The following SERAC1 variants were observed in gnomAD, a reference collection of about 807,000 sequenced individuals.
SERAC1 encodes the protein protein SERAC1.
Under a neutral mutation model 85.7 loss-of-function variants are expected in SERAC1, and 36 were observed. The ratio of observed to expected loss-of-function variants is 0.42; its 90% confidence interval spans 0.32 to 0.55. The LOEUF is 0.55. Ranked by LOEUF, SERAC1 falls within the 20% of genes least tolerant of loss-of-function variation. SERAC1 has a pLI of 0.11. For synonymous variants in SERAC1, 242 were observed against 265.3 expected (o/e 0.91, Z 0.85); for missense variants, 629 against 796.2 (o/e 0.79, Z 2.53).
In SERAC1 at chr6:158,111,475, A is replaced by C. The variant is rs756734323; in HGVS notation, c.1856T>G (p.Val619Gly). 3.7e-6 allele frequency: 6 copies of C among 1,606,728 alleles called. No homozygotes were observed. The highest frequency in any genetic ancestry group is 5.1e-6 in the Non-Finnish European group (6 of 1,177,520). Residue 619 changes from valine to glycine, a missense_variant, in exon 17 of 17, where the codon GTG becomes GGG. Val to Gly is a moderately radical substitution (Grantham distance 109). Transcript: ENST00000647468. The stretch of plus-strand genomic sequence containing the variant: ...ACAAATGTTCAAATGGTTAACATCC[A>C]CAGGAATTAGATCTCCAATGCCTAA... Reference protein sequence around the residue: ...ADLGIGDLIPVDVNHLNICKP... With the variant: ...ADLGIGDLIPGDVNHLNICKP...
chr6:158,143,671 CTAATAAT>C (rs1221742870), intron 7 of SERAC1, among the ~76,000 whole-genome samples: 1 of 151,792 alleles, frequency 6.6e-6, no homozygotes, highest in Non-Finnish European at 1.5e-5. Flanking sequence ...CTCATTTTCT[CTAATAAT>C]TAATATCTAG....
chr6:158,121,567 C>A (rs1252413780), intron 10 of SERAC1, among the ~76,000 whole-genome samples: 1 of 152,018 alleles, frequency 6.6e-6, no homozygotes, highest in East Asian at 1.9e-4. Context: ...GCCCTTCTCC[C>A]ACTCTTTACG....
chr6:158,166,569 C>A (rs1255206882), intron 1 of SERAC1, among the ~76,000 whole-genome samples: 1 of 152,136 alleles, frequency 6.6e-6, no homozygotes, highest in Non-Finnish European at 1.5e-5. Context: ...ACACTGAATT[C>A]GTAGAACTGA....
At chr6:158,161,140 C>T (rs1056947113) in intron 1 of SERAC1, 2 of 152,140 alleles carry the variant, frequency 1.3e-5, no homozygotes, top group Non-Finnish European at 2.9e-5. Context: ...CACTTGGAGG[C>T]CAAGGTGGGC....
chr6:158,138,256 A>C (rs1175066181), intron 8 of SERAC1, among the ~76,000 whole-genome samples: 1 of 152,002 alleles, frequency 6.6e-6, no homozygotes, highest in Admixed American at 6.6e-5. Flanking sequence ...AACATGGTGA[A>C]ACCCCATCTC....
Position 158,120,490 on chromosome 6 carries a change from G to T in SERAC1, c.1101C>A (p.Asp367Glu). Residue 367 changes from aspartate to glutamate, a missense_variant, in exon 11 of 17, where the codon GAC (aspartate) becomes GAA (glutamate). Asp to Glu is a conservative substitution (Grantham distance 45). Transcript: ENST00000647468. The surrounding 1 kb of genome is among the most constrained non-coding windows in gnomAD (Gnocchi z 4.4). ...SHAARILANL[D>E]RETVQEKYQD... ...GATATTTTTCTTGCACAGTTTCTCG[G>T]TCTAGATTTGCCAGGATTCTGGCAG... 1 of 1,614,006 alleles carries T rather than the reference G, an allele frequency of 6.2e-7. No individual in the cohort carries two copies. Among genetic ancestry groups the T allele is most frequent in the Non-Finnish European group, 8.5e-7 (1 of 1,179,986 alleles).
intron 5 of SERAC1, among the ~76,000 whole-genome samples, chr6:158,148,465 CAG>C (rs1785123413): frequency 6.6e-6 from 1 of 151,806 alleles, no homozygotes; most frequent in Non-Finnish European, 1.5e-5. Flanking sequence ...TTTTTTGAGA[CAG>C]AGTCTCACTC....
chr6:158,148,140 T>C (rs528767071), intron 5 of SERAC1, among the ~76,000 whole-genome samples: 4 of 152,336 alleles, frequency 2.6e-5, no homozygotes, highest in South Asian at 2.1e-4. Context: ...CTTTCAATTA[T>C]AGAAAGTCTT....
Position 158,119,487 on chromosome 6 carries a change from G to T in SERAC1, c.1167-317C>A, listed in dbSNP as rs749910901. On this transcript the variant is annotated intron_variant, in intron 11 of 16. Coordinates refer to ENST00000647468, the MANE Select transcript of SERAC1 (RefSeq NM_032861.4). This position sits in a 1 kb window ranked among gnomAD's most constrained non-coding sequence, Gnocchi z 4.5. ...GATTACCCTCTAAAGACTTCCATTT[G>T]AGAATATTCTACAAATCAATAAAAG... Among the ~76,000 whole-genome samples the T allele has an allele frequency of 6.6e-6, 1 of 152,196 alleles. No homozygotes were observed.
In SERAC1 at chr6:158,120,310, T is replaced by G; in HGVS notation, c.1166+115A>C. ...ACAAATTATTTTAGTAAATAAGATA[T>G]TTGACTTATAAGTTATTTAACTTAT... On this transcript the variant is annotated intron_variant, in intron 11 of 16. Transcript: ENST00000647468. The surrounding 1 kb of genome is among the most constrained non-coding windows in gnomAD (Gnocchi z 4.4). 1 of 1,076,140 alleles carries G rather than the reference T, an allele frequency of 9.3e-7. No individual in the cohort carries two copies. Among genetic ancestry groups the G allele is most frequent in the Non-Finnish European group, 1.3e-6 (1 of 774,442 alleles). 66.7% of individuals were successfully genotyped at this position (1,076,140 alleles called of 1,614,324 possible).
chr6:158,116,474 G>A, intron 13 of SERAC1, 192 bp from the exon 14 acceptor site: 1 of 537,852 alleles, frequency 1.9e-6, no homozygotes, highest in East Asian at 3.2e-5. Context: ...CTGGCCCCAA[G>A]GAATCCTCCC....
rs111893815 is a variant in SERAC1, at chr6:158,163,064, C to A, written c.-1-4700G>T. Among the ~76,000 whole-genome samples, 205 of 152,260 alleles carry A rather than the reference C, an allele frequency of 1.3e-3. 1 individual carries two copies. Among genetic ancestry groups the A allele is most frequent in the African/African-American group, 4.7e-3 (194 of 41,540 alleles). On this transcript the variant is annotated intron_variant, in intron 1 of 16. Transcript: ENST00000647468. ...AGATGCCTAGGTTAGTCTGCTGGATCACAAGAGAAATGTCCAATATCCCCA... is the reference window on the plus strand; with the variant it reads ...AGATGCCTAGGTTAGTCTGCTGGATAACAAGAGAAATGTCCAATATCCCCA...
intron 16 of SERAC1, chr6:158,113,103 A>G (rs927027107): frequency 9.4e-6 from 3 of 320,082 alleles, no homozygotes; most frequent in Non-Finnish European, 1.7e-5. Flanking sequence ...AGGGTTCTGC[A>G]TGTAAATATA....
At chr6:158,112,824 G>A (rs1214061183) in intron 16 of SERAC1, 1 of 143,844 alleles carries the variant, frequency 7.0e-6, no homozygotes, top group Non-Finnish European at 1.5e-5. Flanking sequence ...AGCAGTTCAG[G>A]TGGTGAAATG....
In SERAC1 at chr6:158,110,517, C is replaced by T. The variant is rs1784120072; in HGVS notation, c.*849G>A. ...CATCGACATGATTATCTACTACTCA[C>T]ATGCTATAGAGGTCAATTAATACCA... is the stretch of plus-strand genomic sequence containing the variant. On this transcript the variant is annotated 3_prime_UTR_variant, in exon 17 of 17. Transcript: ENST00000647468. 6.6e-6 allele frequency: 1 copy of T among 152,218 alleles called. No homozygotes were observed. Among genetic ancestry groups the T allele is most frequent in the Non-Finnish European group, 1.5e-5 (1 of 68,040 alleles). The allele number at this position is 152,218 out of a possible 1,614,324, so 9.4% of individuals were successfully genotyped here.
At chr6:158,162,258 G>A (rs1030939895) in intron 1 of SERAC1, 2 of 152,070 alleles carry the variant, frequency 1.3e-5, no homozygotes, top group Non-Finnish European at 2.9e-5. Flanking sequence ...GTGATAATAA[G>A]GGAACTACTG....
Position 158,119,256 on chromosome 6 carries a change from T to C in SERAC1, c.1167-86A>G. 6.9e-7 allele frequency: 1 copy of C among 1,447,900 alleles called. No homozygotes were observed. The highest frequency in any genetic ancestry group is 9.3e-7 in the Non-Finnish European group (1 of 1,075,406). The allele number at this position is 1,447,900 out of a possible 1,614,324, so 89.7% of individuals were successfully genotyped here. A position where few individuals can be genotyped will look rare whatever the true frequency, so the allele number is the denominator to read the frequency against. On this transcript the variant is annotated intron_variant, in intron 11 of 16. Transcript: ENST00000647468. This position sits in a 1 kb window ranked among gnomAD's most constrained non-coding sequence, Gnocchi z 4.5. ...TCTACACAGCATTCTCTGTGGATGG[T>C]GCTTTAGCAGGCTTATGTGACATAA...
At position 158,109,710 on chromosome 6, in the gene SERAC1, G is replaced by A. The variant is rs143733117; in HGVS notation, c.*1656C>T. 9.1e-4 allele frequency: 139 copies of A among 152,238 alleles called. No individual in the cohort carries two copies. The highest frequency in any genetic ancestry group is 3.3e-3 in the African/African-American group (137 of 41,536). The allele number at this position is 152,238 out of a possible 1,614,324, so 9.4% of individuals were successfully genotyped here. On this transcript the variant is annotated 3_prime_UTR_variant, in exon 17 of 17. Coordinates refer to ENST00000647468, the MANE Select transcript of SERAC1 (RefSeq NM_032861.4). ...CATAAATTTGTACACAAATGATCAT[G>A]GTAGCATTATTTATCATAGACAAAA...
At position 158,120,046 on chromosome 6, in the gene SERAC1, A is replaced by G. The variant is rs935987194; in HGVS notation, c.1166+379T>C. On this transcript the variant is annotated intron_variant, in intron 11 of 16. Transcript: ENST00000647468. The surrounding 1 kb of genome is among the most constrained non-coding windows in gnomAD (Gnocchi z 4.4). Reference sequence around the variant, plus strand: ...CAGGCTAATTTGGTTGCCACATAAGACAATGTCTTATCTCCTTCCTATTCA... The same window carrying G: ...CAGGCTAATTTGGTTGCCACATAAGGCAATGTCTTATCTCCTTCCTATTCA... Among the ~76,000 whole-genome samples, 4 of 152,178 alleles carry G rather than the reference A, an allele frequency of 2.6e-5. No individual in the cohort carries two copies. Among genetic ancestry groups the G allele is most frequent in the African/African-American group, 9.7e-5 (4 of 41,444 alleles).
Sources: gnomAD v4.1 joint callset for allele counts (sites outside exome capture counted in the v4.1 genomes callset) on GRCh38, gnomAD v4.1.1 for gene constraint, Gnocchi (gnomAD v3.1) non-coding constraint, MANE v1.5 for transcripts, NCBI Gene and HGNC (gene_info 2026-07-23, HGNC 2026-07-21) for gene names.